ITGA11: variants seen among roughly 807,000 people sequenced by gnomAD.
The protein encoded by ITGA11 is integrin alpha-11.
Under a neutral mutation model 141.9 loss-of-function variants are expected in ITGA11, and 97 were observed. The ratio of observed to expected loss-of-function variants is 0.68; its 90% CI spans 0.58 to 0.81. The LOEUF (loss-of-function observed/expected upper bound fraction) is 0.81, where lower values mean the gene tolerates loss of function less well. Ranked by LOEUF, ITGA11 falls within the 30% of genes least tolerant of loss-of-function variation. ITGA11 has a pLI of 0.00. For missense variants in ITGA11, 1,387 were observed against 1,559.2 expected, an observed-to-expected ratio of 0.89 and a Z score of 1.86; for synonymous variants, 658 against 624.6, an observed-to-expected ratio of 1.05 and a Z score of -0.80.
chr15:68,349,977 GTA>G (rs1009980564), intron 9 of ITGA11, among the ~76,000 whole-genome samples: 39 of 152,214 alleles, frequency 2.6e-4, no homozygotes, highest in African/African-American at 8.7e-4. Flanking sequence ...CACACCCACT[GTA>G]TCTTATTTTT....
chr15:68,402,844 G>T, intron 2 of ITGA11, 74 bp downstream of exon 2: 1 of 1,019,224 alleles, frequency 9.8e-7, no homozygotes, highest in Non-Finnish European at 1.5e-6. Context: ...GCAGCCACAG[G>T]GCACAGGGGC....
intron 16 of ITGA11, among the ~76,000 whole-genome samples, chr15:68,327,746 G>A (rs552262279): frequency 2.3e-5 from 2 of 86,770 alleles, no homozygotes; most frequent in Non-Finnish European, 5.3e-5. Context: ...CCCCCCTGTA[G>A]GACTCCTGGG....
At chr15:68,394,388 G>A (rs1896185251) in intron 2 of ITGA11, among the ~76,000 whole-genome samples, 2 of 152,094 alleles carry the variant, frequency 1.3e-5, no homozygotes. Context: ...AAATCATGAT[G>A]AGAATTAGAA....
chr15:68,419,542 T>G (rs561001582), intron 1 of ITGA11, among the ~76,000 whole-genome samples: 1 of 152,310 alleles, frequency 6.6e-6, no homozygotes, highest in African/African-American at 2.4e-5. Flanking sequence ...CCGTACTGAG[T>G]GTACCCATTG....
rs931940197 is a variant in ITGA11, at chr15:68,310,930, G to T, written c.3174+64C>A. 1.1e-5 allele frequency: 14 copies of T among 1,281,956 alleles called. No homozygotes were observed. The Admixed American group carries it at 2.8e-4, about 25-fold the overall frequency. The allele number at this position is 1,281,956 out of a possible 1,614,324, so 79.4% of individuals were successfully genotyped here. A position where few individuals can be genotyped will look rare whatever the true frequency, so the allele number is the denominator to read the frequency against. On this transcript the variant is annotated intron_variant, in intron 26 of 29. Transcript: ENST00000315757. ...TATTGGGTCGGGAGGGAAATGGCCC[G>T]CAGAGCACCGGCGGCACGCCTCTAA...
chr15:68,370,351 G>A (rs77927705), intron 2 of ITGA11, among the ~76,000 whole-genome samples: 3,720 of 152,250 alleles, frequency 0.024, 135 homozygotes, highest in African/African-American at 0.082. Flanking sequence ...CTGGAGGTGC[G>A]GCTGTGGACT....
intron 1 of ITGA11, among the ~76,000 whole-genome samples, chr15:68,410,096 A>T (rs1896739280): frequency 6.6e-6 from 1 of 152,246 alleles, no homozygotes; most frequent in Admixed American, 6.5e-5. Flanking sequence ...CAAGTGGAAC[A>T]CAGCAGACCT....
Position 68,300,720 on chromosome 15 carries a change from A to AG in ITGA11, c.*2338dup, listed in dbSNP as rs57715074. 58,190 of 149,722 alleles carry AG rather than the reference A, an allele frequency of 0.39. 11,916 individuals are homozygous for AG. The highest frequency in any genetic ancestry group is 0.48 in the African/African-American group (19,508 of 40,930). 9.3% of individuals were successfully genotyped at this position (149,722 alleles called of 1,614,324 possible). ...GGTGTAGGTCTGGGGAAGGGTGTGA[A>AG]GGACTGTGGAGTTCTGGAATAAGGG... On this transcript the variant is annotated 3_prime_UTR_variant, in exon 30 of 30. Transcript: ENST00000315757.
chr15:68,352,188 T>C (rs1282497065), intron 7 of ITGA11, among the ~76,000 whole-genome samples: 1 of 149,746 alleles, frequency 6.7e-6, no homozygotes. Flanking sequence ...GCCTGGATAT[T>C]AGTTTTTTTT....
At chr15:68,412,167 A>G (rs1896785143) in intron 1 of ITGA11, among the ~76,000 whole-genome samples, 2 of 152,266 alleles carry the variant, frequency 1.3e-5, no homozygotes, top group East Asian at 1.9e-4. Context: ...CTTAGCTCTT[A>G]AGTGATGGAC....
chr15:68,428,239 A>C (rs1230746082), intron 1 of ITGA11, among the ~76,000 whole-genome samples: 1 of 152,160 alleles, frequency 6.6e-6, no homozygotes, highest in Non-Finnish European at 1.5e-5. Context: ...TTTTATCCTA[A>C]GTGATAGGAG....
intron 2 of ITGA11, among the ~76,000 whole-genome samples, chr15:68,390,031 C>A (rs1896078028): frequency 6.6e-6 from 1 of 152,176 alleles, no homozygotes; most frequent in Non-Finnish European, 1.5e-5. Context: ...TGAAAATACA[C>A]AAGGGCTTAA....
chr15:68,431,111 C>T (rs1485827219), intron 1 of ITGA11, among the ~76,000 whole-genome samples: 1 of 152,226 alleles, frequency 6.6e-6, no homozygotes, highest in African/African-American at 2.4e-5. Flanking sequence ...CACTGGCAGC[C>T]GCCCCGCGTG....
chr15:68,335,506 G>A lies in ITGA11; in HGVS notation c.1425+191C>T, dbSNP rs185210477. Among the ~76,000 whole-genome samples the A allele has an allele frequency of 3.8e-4, 58 of 152,362 alleles. No individual in the cohort carries two copies. In the East Asian group the frequency reaches 0.01, roughly 26 times the overall value. On this transcript the variant is annotated intron_variant, in intron 12 of 29. Transcript: ENST00000315757. The surrounding 1 kb of genome is among the most constrained non-coding windows in gnomAD (Gnocchi z 4.9). The stretch of plus-strand genomic sequence containing the variant: ...GGAAAAGGGAAGCAGCTGGCATCCT[G>A]GAGGGCCCATGGGGCCTTCTGTAGG...
intron 26 of ITGA11, among the ~76,000 whole-genome samples, chr15:68,310,699 G>A (rs942152427): frequency 6.6e-6 from 1 of 152,146 alleles, no homozygotes; most frequent in African/African-American, 2.4e-5. Flanking sequence ...CCAGGTGCAA[G>A]TCCACTCTCC....
chr15:68,359,111 A>G (rs1895161319), intron 5 of ITGA11, among the ~76,000 whole-genome samples: 1 of 152,180 alleles, frequency 6.6e-6, no homozygotes, highest in Admixed American at 6.5e-5. Flanking sequence ...TCTCTTCTGT[A>G]AAAGAGGCAC....
intron 2 of ITGA11, among the ~76,000 whole-genome samples, chr15:68,375,154 C>T (rs887082360): frequency 6.6e-6 from 1 of 152,186 alleles, no homozygotes; most frequent in African/African-American, 2.4e-5. Flanking sequence ...TCACCTCTCT[C>T]CTCTCTCACC....
intron 4 of ITGA11, among the ~76,000 whole-genome samples, chr15:68,362,507 G>A (rs961269099): frequency 3.3e-5 from 5 of 152,226 alleles, no homozygotes; most frequent in Admixed American, 6.5e-5. Flanking sequence ...AGTGGCAGGG[G>A]ACAGAGGGGA....
At chr15:68,344,069 G>C (rs1894658210) in intron 10 of ITGA11, among the ~76,000 whole-genome samples, 1 of 152,118 alleles carries the variant, frequency 6.6e-6, no homozygotes, top group African/African-American at 2.4e-5. Flanking sequence ...ACCCAGGAGT[G>C]GGCACTAGGG....
Sources: gnomAD v4.1 joint callset for allele counts (sites outside exome capture counted in the v4.1 genomes callset) on GRCh38, gnomAD v4.1.1 for gene constraint, Gnocchi (gnomAD v3.1) non-coding constraint, MANE v1.5 for transcripts, NCBI Gene and HGNC (gene_info 2026-07-23, HGNC 2026-07-21) for gene names.